The following FAAH2 variants were observed in gnomAD, a reference collection of about 807,000 sequenced individuals.
FAAH2 encodes fatty acid amide hydrolase 2.
FAAH2 carries 60 observed loss-of-function variants against 36.9 expected under a neutral mutation model. The observed-to-expected ratio is 1.63, with a 90% confidence interval of 1.32 to 2.02. FAAH2 has a LOEUF of 2.02. Ranked by LOEUF, FAAH2 falls within the 30% of genes most tolerant of loss-of-function variation. The pLI, the probability that FAAH2 is intolerant of heterozygous loss-of-function variation, is 0.00. For missense variants in FAAH2, 689 were observed against 397.5 expected, an observed-to-expected ratio of 1.73 and a Z score of -6.23; for synonymous variants, 214 against 143.8, an observed-to-expected ratio of 1.49 and a Z score of -3.49.
At chrX:57,472,182 G>T (rs1363000825) in intron 10 of FAAH2, among the ~76,000 whole-genome samples, 3 of 111,692 alleles carry the variant, frequency 2.7e-5, no homozygotes, top group African/African-American at 6.5e-5. Flanking sequence ...CATAGGCATG[G>T]GCAAGGACTT....
intron 10 of FAAH2, among the ~76,000 whole-genome samples, chrX:57,457,973 G>T (rs1340267033): frequency 9.0e-6 from 1 of 111,600 alleles, no homozygotes; most frequent in Non-Finnish European, 1.9e-5. Context: ...AACAAAAAAA[G>T]AACCTCAACA....
chrX:57,448,790 T>C, intron 10 of FAAH2, 72 bp downstream of exon 10: 1 of 1,067,909 alleles, frequency 9.4e-7, no homozygotes, highest in Non-Finnish European at 1.3e-6. Context: ...GAAAGCATAA[T>C]TTTCTTTTGC....
At chrX:57,404,483 G>A (rs181218433) in intron 7 of FAAH2, among the ~76,000 whole-genome samples, 8 of 111,557 alleles carry the variant, frequency 7.2e-5, no homozygotes, top group African/African-American at 2.6e-4. Flanking sequence ...AGTTGTTAAA[G>A]TACTGGGTTA....
chrX:57,205,043 A>G, the FAAH2 span, among the ~76,000 whole-genome samples: 4 of 112,575 alleles, frequency 3.6e-5, no homozygotes, highest in African/African-American at 6.5e-5. Flanking sequence ...CCTGATTGGC[A>G]TCTAGCCCAG....
At chrX:57,220,413 A>C in the FAAH2 span, among the ~76,000 whole-genome samples, 1 of 110,228 alleles carries the variant, frequency 9.1e-6, no homozygotes, top group East Asian at 2.9e-4. Flanking sequence ...CTGCCTATTA[A>C]CTCAACCGCG....
chrX:57,368,630 G>A (rs888572840), intron 5 of FAAH2, among the ~76,000 whole-genome samples: 4 of 111,927 alleles, frequency 3.6e-5, no homozygotes, highest in Non-Finnish European at 7.5e-5. Context: ...TACAGCTGAA[G>A]GAACTGCATA....
chrX:57,206,399 A>G, the FAAH2 span, among the ~76,000 whole-genome samples: 1 of 112,115 alleles, frequency 8.9e-6, no homozygotes, highest in Non-Finnish European at 1.9e-5. Flanking sequence ...TTTTATCAGG[A>G]GCTATAATTA....
chrX:57,171,652 T>C, the FAAH2 span, among the ~76,000 whole-genome samples: 2 of 112,072 alleles, frequency 1.8e-5, no homozygotes, highest in African/African-American at 6.5e-5. Flanking sequence ...TTGTAGATTC[T>C]GGATATTAGT....
chrX:57,316,566 G>A (rs779213862), intron 3 of FAAH2, among the ~76,000 whole-genome samples: 83 of 110,737 alleles, frequency 7.5e-4, no homozygotes, highest in African/African-American at 2.7e-3. Flanking sequence ...CAGAAATAAA[G>A]TCACACACAT....
At chrX:57,240,467 C>A in the FAAH2 span, among the ~76,000 whole-genome samples, 1 of 111,515 alleles carries the variant, frequency 9.0e-6, no homozygotes, top group Non-Finnish European at 1.9e-5. Context: ...GAAAGTGATT[C>A]ATTTGAGTAG....
chrX:57,287,751 T>A (rs1307580295), intron 1 of FAAH2, among the ~76,000 whole-genome samples: 3 of 111,624 alleles, frequency 2.7e-5, no homozygotes, highest in Non-Finnish European at 5.6e-5. Flanking sequence ...TGAGCTACAG[T>A]CTAGTATTGT....
chrX:57,130,198 G>A, the FAAH2 span, among the ~76,000 whole-genome samples: 1 of 112,092 alleles, frequency 8.9e-6, no homozygotes, highest in Non-Finnish European at 1.9e-5. Context: ...CATGAAGATT[G>A]TTTTGTATAT....
chrX:57,236,281 T>G, the FAAH2 span, among the ~76,000 whole-genome samples: 2 of 112,434 alleles, frequency 1.8e-5, no homozygotes, highest in South Asian at 7.3e-4. Flanking sequence ...TATTGGCAAT[T>G]GTGAATGATG....
At chrX:57,123,809 A>T in the FAAH2 span, among the ~76,000 whole-genome samples, 1 of 112,003 alleles carries the variant, frequency 8.9e-6, no homozygotes, top group Non-Finnish European at 1.9e-5. Context: ...TTCTTTTGAG[A>T]AGTGTCTGTT....
intron 10 of FAAH2, among the ~76,000 whole-genome samples, chrX:57,479,082 T>A (rs1602819814): frequency 1.8e-5 from 2 of 111,533 alleles, no homozygotes; most frequent in African/African-American, 3.3e-5. Context: ...CTTGGGCAGT[T>A]TGGCCATTTT....
At chrX:57,392,767 T>C in intron 7 of FAAH2, 1 of 612,421 alleles carries the variant, frequency 1.6e-6, no homozygotes, top group Non-Finnish European at 2.9e-6. Flanking sequence ...GCCCCGATGC[T>C]GGCATGGATG....
At chrX:57,235,531 T>C in the FAAH2 span, among the ~76,000 whole-genome samples, 1 of 112,109 alleles carries the variant, frequency 8.9e-6, no homozygotes, top group Non-Finnish European at 1.9e-5. Context: ...ACTTCAAAAA[T>C]TTCTTTTCAC....
chrX:57,486,631 T>G (rs1412621057), intron 10 of FAAH2, among the ~76,000 whole-genome samples: 1 of 111,556 alleles, frequency 9.0e-6, no homozygotes, highest in Non-Finnish European at 1.9e-5. Context: ...CTCCCAATGT[T>G]TGTCATGGAA....
the FAAH2 span, among the ~76,000 whole-genome samples, chrX:57,200,033 A>AT: frequency 3.7e-4 from 41 of 111,551 alleles, no homozygotes; most frequent in East Asian, 0.01. Flanking sequence ...CTGTTTTGTT[A>AT]TCCCTTCAGC....
Sources: allele counts gnomAD v4.1 joint callset (sites outside exome capture counted in the v4.1 genomes callset), GRCh38; gene constraint gnomAD v4.1.1; transcripts MANE v1.5; gene names NCBI Gene and HGNC (gene_info 2026-07-23, HGNC 2026-07-21).